Variants in MEGF11 observed in about 807,000 individuals in gnomAD.
The protein encoded by MEGF11 is multiple epidermal growth factor-like domains protein 11.
In MEGF11, 126 loss-of-function variants were observed where a neutral mutation model predicts 146.6. The ratio of observed to expected loss-of-function variants is 0.86; its 90% confidence interval spans 0.74 to 1.00. The LOEUF is 1.00. Ranked by LOEUF, MEGF11 falls within the 50% of genes least tolerant of loss-of-function variation. The probability of loss-of-function intolerance (pLI) is 0.00; values close to 1 mark genes in which losing one functional copy is unlikely to be tolerated. For synonymous variants in MEGF11, 532 were observed against 583.4 expected (o/e 0.91, Z 1.27); for missense variants, 1,509 against 1,521.2 (o/e 0.99, Z 0.13).
intron 16 of MEGF11, 79 bp downstream of exon 16, chr15:65,917,887 C>T: frequency 1.3e-6 from 2 of 1,578,184 alleles, no homozygotes; most frequent in East Asian, 2.2e-5. Context: ...GGCACCAGGA[C>T]AGAGAGGTTT....
At chr15:66,204,805 G>A (rs764498407) in intron 1 of MEGF11, among the ~76,000 whole-genome samples, 13 of 152,152 alleles carry the variant, frequency 8.5e-5, no homozygotes, top group Non-Finnish European at 1.8e-4. Flanking sequence ...TCCACTTCCA[G>A]AGAGATAAAG....
intron 1 of MEGF11, among the ~76,000 whole-genome samples, chr15:66,183,647 C>T (rs11071867): frequency 0.22 from 33,072 of 152,068 alleles, 3,970 homozygotes; most frequent in East Asian, 0.47. Context: ...CAACTCCCTC[C>T]ACCTGAAGTC....
In MEGF11 at chr15:65,965,047, GC is replaced by G; in HGVS notation, c.972del (p.Gln325SerfsTer51). 1 of 1,590,710 alleles carries G rather than the reference GC, an allele frequency of 6.3e-7. No individual in the cohort carries two copies. The highest frequency in any genetic ancestry group is 8.6e-7 in the Non-Finnish European group (1 of 1,168,396). ...CAGGCACCCGTGGTGGGTGAACACT[GC>G]CCCCCATTGTGGCAGTCACAGTGCT... ...CSQHCDCHNGGQCSPTTGACE... is the reference protein window; with the variant it reads ...CSQHCDCHNGXQCSPTTGACE... On this transcript the variant is annotated frameshift_variant, in exon 9 of 26. Coordinates refer to ENST00000395614, the MANE Select transcript of MEGF11 (RefSeq NM_001385028.1). LOFTEE classifies it high-confidence loss of function.
At chr15:65,994,609 T>C (rs1183397887) in intron 5 of MEGF11, among the ~76,000 whole-genome samples, 1 of 151,916 alleles carries the variant, frequency 6.6e-6, no homozygotes, top group Non-Finnish European at 1.5e-5. Flanking sequence ...CAAGTTAGGG[T>C]GATTTGGACC....
At chr15:66,187,920 A>G (rs1329016097) in intron 1 of MEGF11, among the ~76,000 whole-genome samples, 1 of 152,312 alleles carries the variant, frequency 6.6e-6, no homozygotes, top group East Asian at 1.9e-4. Flanking sequence ...GGAAATACAC[A>G]TTGAAATGTT....
At chr15:66,017,072 A>T (rs2082913511) in intron 5 of MEGF11, among the ~76,000 whole-genome samples, 1 of 152,188 alleles carries the variant, frequency 6.6e-6, no homozygotes, top group Non-Finnish European at 1.5e-5. Context: ...AGTCATGAAG[A>T]GCTGCTGGAG....
chr15:65,966,101 T>C (rs1206746971), intron 8 of MEGF11, among the ~76,000 whole-genome samples: 1 of 152,184 alleles, frequency 6.6e-6, no homozygotes, highest in Admixed American at 6.5e-5. Flanking sequence ...GTTCAAGCTA[T>C]TCTCCTGCCT....
chr15:66,158,876 A>C (rs2089855309), intron 1 of MEGF11, among the ~76,000 whole-genome samples: 1 of 152,216 alleles, frequency 6.6e-6, no homozygotes, highest in African/African-American at 2.4e-5. Context: ...TCTCCGCTTA[A>C]TATCTCAAAG....
At chr15:66,163,382 C>T (rs1597129689) in intron 1 of MEGF11, among the ~76,000 whole-genome samples, 1 of 152,274 alleles carries the variant, frequency 6.6e-6, no homozygotes, top group East Asian at 1.9e-4. Flanking sequence ...AGGCCGATTT[C>T]AGCTTGGGAG....
intron 9 of MEGF11, among the ~76,000 whole-genome samples, chr15:65,958,897 C>T (rs571108238): frequency 6.6e-6 from 1 of 152,288 alleles, no homozygotes; most frequent in East Asian, 1.9e-4. Flanking sequence ...TGGCACTGGC[C>T]TGCCTGCTCT....
At chr15:66,029,471 A>G (rs1217204600) in intron 5 of MEGF11, among the ~76,000 whole-genome samples, 1 of 152,234 alleles carries the variant, frequency 6.6e-6, no homozygotes, top group Non-Finnish European at 1.5e-5. Flanking sequence ...CTGGCCTGGC[A>G]TAATTATTAA....
intron 1 of MEGF11, among the ~76,000 whole-genome samples, chr15:66,167,251 AG>A (rs1245628775): frequency 2.6e-5 from 4 of 152,190 alleles, no homozygotes; most frequent in Non-Finnish European, 1.5e-5. Context: ...TTGTGCCCCA[AG>A]ACAACCCAGA....
At chr15:66,200,158 C>T (rs2091117606) in intron 1 of MEGF11, among the ~76,000 whole-genome samples, 1 of 152,242 alleles carries the variant, frequency 6.6e-6, no homozygotes, top group African/African-American at 2.4e-5. Flanking sequence ...TTGCCTCCTT[C>T]AATGGTTCAA....
chr15:65,990,695 GAA>G (rs2082011517), intron 5 of MEGF11, among the ~76,000 whole-genome samples: 1 of 71,718 alleles, frequency 1.4e-5, no homozygotes, highest in Admixed American at 1.7e-4. Flanking sequence ...GAAAGGAAGA[GAA>G]AGAAAGAAAG....
intron 5 of MEGF11, among the ~76,000 whole-genome samples, chr15:66,022,657 T>C (rs767900515): frequency 6.6e-6 from 1 of 151,782 alleles, no homozygotes; most frequent in Non-Finnish European, 1.5e-5. Context: ...AGATCCTATC[T>C]CCACAAAAAA....
chr15:66,199,249 G>A (rs754834066), intron 1 of MEGF11, among the ~76,000 whole-genome samples: 15 of 152,082 alleles, frequency 9.9e-5, no homozygotes, highest in African/African-American at 2.2e-4. Context: ...ATAAATTGAC[G>A]TATATTAGAG....
rs1465334412 is a variant in MEGF11 at position 65,935,619 on chromosome 15, G to GT, written c.1288-4677dup. On this transcript the variant is annotated intron_variant, in intron 10 of 25. Transcript: ENST00000395614. ...TGGGAGAAGAGAAGAAACTCTTTGT[G>GT]TTTTTTTTCCAGTCAGCTCCTAATA... is the stretch of plus-strand genomic sequence containing the variant. 1.2e-4 allele frequency among the ~76,000 whole-genome samples: 18 copies of GT among 152,112 alleles called. No individual in the cohort carries two copies. The East Asian group carries it at 2.1e-3, about 18-fold the overall frequency.
intron 4 of MEGF11, among the ~76,000 whole-genome samples, chr15:66,098,889 T>C (rs1293445862): frequency 6.6e-6 from 1 of 152,152 alleles, no homozygotes; most frequent in Non-Finnish European, 1.5e-5. Flanking sequence ...TCTAAAACAC[T>C]TCATCAGATG....
intron 1 of MEGF11, among the ~76,000 whole-genome samples, chr15:66,159,459 A>G (rs1351124920): frequency 6.6e-6 from 1 of 152,150 alleles, no homozygotes; most frequent in Non-Finnish European, 1.5e-5. Flanking sequence ...TTGGAATCCA[A>G]CGTTTTATAC....
Sources: allele counts gnomAD v4.1 joint callset (sites outside exome capture counted in the v4.1 genomes callset), GRCh38; gene constraint gnomAD v4.1.1; transcripts MANE v1.5; gene names NCBI Gene and HGNC (gene_info 2026-07-23, HGNC 2026-07-21).